The following NOL12 variants were observed in gnomAD, a reference collection of about 807,000 sequenced individuals.
NOL12 encodes the protein nucleolar protein 12.
A neutral mutation model predicts 25.2 loss-of-function variants in NOL12; 21 were observed. The observed-to-expected ratio is 0.83, with a 90% CI of 0.59 to 1.20. The LOEUF (loss-of-function observed/expected upper bound fraction) is 1.20. Among genes scored for constraint, NOL12 ranks in the 50% most tolerant of loss-of-function variants. The pLI, the probability that NOL12 is intolerant of heterozygous loss-of-function variation, is 0.00. For missense variants in NOL12, 286 were observed against 287.6 expected, an observed-to-expected ratio of 0.99 and a Z score of 0.04; for synonymous variants, 133 against 113.8, an observed-to-expected ratio of 1.17 and a Z score of -1.08.
At chr22:37,689,188 T>G (rs984963276) in intron 4 of NOL12, among the ~76,000 whole-genome samples, 196 bp downstream of exon 4, 4 of 152,172 alleles carry the variant, frequency 2.6e-5, no homozygotes, top group African/African-American at 9.7e-5. Context: ...CTCCTTCCCT[T>G]TGGACCCTTC....
intron 5 of NOL12, 71 bp from the exon 6 acceptor site, chr22:37,691,103 C>T: frequency 6.6e-6 from 10 of 1,511,296 alleles, no homozygotes; most frequent in Non-Finnish European, 9.0e-6. Flanking sequence ...GTCCTGACAT[C>T]CCCTCCGTGA....
chr22:37,692,429 G>A lies in NOL12; in HGVS notation c.*1093G>A. 2.5e-6 allele frequency: 1 copy of A among 398,624 alleles called. No homozygotes were observed. 24.7% of individuals were successfully genotyped at this position (398,624 alleles called of 1,614,324 possible). Reference sequence around the variant, plus strand: ...AGCCCCCACCAGAGTAGACCCTGCGGGTGCCAGCTAGAACTCCACAAGGGG... The same window carrying A: ...AGCCCCCACCAGAGTAGACCCTGCGAGTGCCAGCTAGAACTCCACAAGGGG... On this transcript the variant is annotated 3_prime_UTR_variant, in exon 6 of 6. Coordinates refer to ENST00000359114, the MANE Select transcript of NOL12 (RefSeq NM_024313.3).
At chr22:37,687,805 G>C (rs753850806) in intron 1 of NOL12, 105 bp from the exon 2 acceptor site, 5 of 782,964 alleles carry the variant, frequency 6.4e-6, no homozygotes, top group Non-Finnish European at 1.1e-5. Flanking sequence ...TTTTGGAATG[G>C]TGCCTAGCAC....
intron 1 of NOL12, 120 bp from the exon 2 acceptor site, chr22:37,687,790 C>A: frequency 2.9e-6 from 2 of 693,428 alleles, no homozygotes; most frequent in South Asian, 3.4e-5. Context: ...CTAATACTTA[C>A]ACTTTTTTGG....
In NOL12 at chr22:37,692,673, G is replaced by A. The variant is rs938562711; in HGVS notation, c.*1337G>A. The stretch of plus-strand genomic sequence containing the variant: ...TGGAGTCAGGATGACAGGACAGTGC[G>A]GTGAGGGGCATCTGCGACAGGACTG... On this transcript the variant is annotated 3_prime_UTR_variant, in exon 6 of 6. Transcript: ENST00000359114. The A allele has an allele frequency of 2.3e-5, 9 of 398,960 alleles. No individual in the cohort carries two copies. Among genetic ancestry groups the A allele is most frequent in the Admixed American group, 1.3e-4 (3 of 22,736 alleles). The allele number at this position is 398,960 out of a possible 1,614,324, so 24.7% of individuals were successfully genotyped here. A position where few individuals can be genotyped will look rare whatever the true frequency, so the allele number is the denominator to read the frequency against.
In NOL12 at chr22:37,687,905, T is replaced by C; in HGVS notation, c.84-5T>C. The C allele has an allele frequency of 1.3e-6, 2 of 1,564,850 alleles. No individual in the cohort carries two copies. Among genetic ancestry groups the C allele is most frequent in the Non-Finnish European group, 1.7e-6 (2 of 1,154,698 alleles). ...CTCCTGTCTCTGCCGGCTTCCTTCC[T>C]GTAGGGAGTACCTGACAGGCTTCCA... On this transcript the variant is annotated splice_polypyrimidine_tract_variant and splice_region_variant and intron_variant, in intron 1 of 5. Transcript: ENST00000359114.
intron 2 of NOL12, 85 bp from the exon 3 acceptor site, chr22:37,688,227 C>T: frequency 1.4e-6 from 2 of 1,437,116 alleles, no homozygotes; most frequent in East Asian, 2.3e-5. Context: ...TCATGGTCTC[C>T]CTCACCCTGG....
rs1921815363 is a variant in NOL12 at position 37,686,421 on chromosome 22, AT to A, written c.30del (p.Asp10GlufsTer22). The A allele has an allele frequency of 6.2e-7, 1 of 1,605,806 alleles. No homozygotes were observed. The highest frequency in any genetic ancestry group is 1.3e-5 in the African/African-American group (1 of 74,290). On this transcript the variant is annotated frameshift_variant, in exon 1 of 6. Coordinates refer to ENST00000359114, the MANE Select transcript of NOL12 (RefSeq NM_024313.3). LOFTEE classifies it high-confidence loss of function. ...GGCCGCAACAAGAAGAAGAAGCGAG[AT>A]GGTGACGACCGGCGGCCGAGGCTCG... MGRNKKKKR[D>X]GDDRRPRLVL...
At position 37,690,820 on chromosome 22, in the gene NOL12, G is replaced by A. The variant is rs368703345; in HGVS notation, c.479+26G>A. The A allele has an allele frequency of 1.8e-4, 279 of 1,544,530 alleles. 1 individual carries two copies. The African/African-American group carries it at 2.6e-3, about 15-fold the overall frequency. On this transcript the variant is annotated intron_variant, in intron 5 of 5. Transcript: ENST00000359114. ...GTGAGTCTTGGCCTGCTGCCTCCCC[G>A]GTCCCACCCCTCCTGGCTGGCAGTA...
intron 1 of NOL12, chr22:37,686,816 A>G (rs1921836380): frequency 1.0e-6 from 1 of 985,450 alleles, no homozygotes; most frequent in Non-Finnish European, 1.2e-6. Flanking sequence ...AGCCAATGAA[A>G]TGAGAGTGGC....
At chr22:37,686,628 C>T in intron 1 of NOL12, 153 bp downstream of exon 1, 1 of 985,392 alleles carries the variant, frequency 1.0e-6, no homozygotes, top group Non-Finnish European at 1.2e-6. Flanking sequence ...CGCGTTCCCG[C>T]TTCTCCCTTC....
chr22:37,690,409 C>T (rs1922014523), intron 4 of NOL12, among the ~76,000 whole-genome samples: 1 of 152,206 alleles, frequency 6.6e-6, no homozygotes, highest in South Asian at 2.1e-4. Flanking sequence ...AGTTCTGATA[C>T]AAAGACAAGT....
rs138552438 is a variant in NOL12, at chr22:37,691,301, C to G, written c.607C>G (p.Arg203Gly). The G allele has an allele frequency of 3.1e-6, 5 of 1,613,478 alleles. No individual in the cohort carries two copies. In the African/African-American group the frequency reaches 6.7e-5, roughly 22 times the overall value. Residue 203 changes from arginine (R) to glycine (G), a missense_variant, in exon 6 of 6, where the codon CGT becomes GGT. Physicochemically the swap from Arg to Gly is moderately radical, Grantham distance 125. Transcript: ENST00000359114. ...TCGTACCAGCAAGGCCCAGCGCCGC[C>G]GTCTCACAGGCAAAGCACGGCACAG... ...APRTSKAQRR[R>G]LTGKARHSGE
At chr22:37,690,146 G>A (rs1922003458) in intron 4 of NOL12, among the ~76,000 whole-genome samples, 1 of 152,102 alleles carries the variant, frequency 6.6e-6, no homozygotes, top group African/African-American at 2.4e-5. Context: ...ACTCCAGCCT[G>A]GGCAAAAAGA....
chr22:37,686,730 G>T (rs1214328930), intron 1 of NOL12: 1 of 985,342 alleles, frequency 1.0e-6, no homozygotes, highest in Admixed American at 6.1e-5. Flanking sequence ...CAGAGCAGTG[G>T]CTTCGACCAC....
Position 37,692,707 on chromosome 22 carries a change from A to G in NOL12, c.*1371A>G, listed in dbSNP as rs939716383. 2.0e-4 allele frequency: 78 copies of G among 399,060 alleles called. No homozygotes were observed. Among genetic ancestry groups the G allele is most frequent in the African/African-American group, 1.3e-3 (65 of 48,742 alleles). The allele number at this position is 399,060 out of a possible 1,614,324, so 24.7% of individuals were successfully genotyped here. On this transcript the variant is annotated 3_prime_UTR_variant, in exon 6 of 6. Coordinates refer to ENST00000359114, the MANE Select transcript of NOL12 (RefSeq NM_024313.3). The stretch of plus-strand genomic sequence containing the variant: ...CATCTGCGACAGGACTGCGGGCTCT[A>G]CCCGCCCTGATGTGGGAGCTCCTGG...
In NOL12 at chr22:37,688,317, C is replaced by T. The variant is rs1921911648; in HGVS notation, c.195C>T (p.His65=). ...EEQRKLREER[H]QEYLKMLAER... is the part of the protein sequence containing the mutation. ...CCCTGCCTGTGTGGTTTCAGCGCCA[C>T]CAGGAATACTTGAAGATGCTGGCAG... Residue 65 remains histidine, a synonymous_variant, in exon 3 of 6, where the codon CAC becomes CAT. Coordinates refer to ENST00000359114, the MANE Select transcript of NOL12 (RefSeq NM_024313.3). 6.2e-7 allele frequency: 1 copy of T among 1,614,154 alleles called. No homozygotes were observed. Among genetic ancestry groups the T allele is most frequent in the Non-Finnish European group, 8.5e-7 (1 of 1,180,008 alleles).
In NOL12 at chr22:37,686,902, C is replaced by A. The variant is rs941481529; in HGVS notation, c.83+427C>A. ...CCAGGTCCCGTATCAGGAAGCAGAA[C>A]CTCTGAGCCTCAGCGTCTGGCCAGA... On this transcript the variant is annotated intron_variant, in intron 1 of 5. Transcript: ENST00000359114. The A allele has an allele frequency of 1.0e-5, 10 of 985,336 alleles. No individual in the cohort carries two copies. The African/African-American group carries it at 1.6e-4, about 15-fold the overall frequency. 61.0% of individuals were successfully genotyped at this position (985,336 alleles called of 1,614,324 possible).
intron 1 of NOL12, chr22:37,686,868 T>C (rs1921838876): frequency 1.0e-6 from 1 of 985,316 alleles, no homozygotes; most frequent in Non-Finnish European, 1.2e-6. Flanking sequence ...ATTGGGCTCC[T>C]TTGGTGTGCC....
Sources: allele counts gnomAD v4.1 joint callset (sites outside exome capture counted in the v4.1 genomes callset), GRCh38; gene constraint gnomAD v4.1.1; transcripts MANE v1.5; gene names NCBI Gene and HGNC (gene_info 2026-07-23, HGNC 2026-07-21).